Variants in SOCS6 observed in about 807,000 individuals in gnomAD.
SOCS6 encodes the protein suppressor of cytokine signaling 6.
A neutral mutation model predicts 27.7 loss-of-function variants in SOCS6; 5 were observed. That is an observed-to-expected ratio of 0.18 (90% CI 0.09 to 0.38). SOCS6 has a LOEUF of 0.38. Ranked by LOEUF, SOCS6 falls within the 10% of genes least tolerant of loss-of-function variation. The probability of loss-of-function intolerance (pLI) is 1.00; values close to 1 mark genes in which losing one functional copy is unlikely to be tolerated. For synonymous variants in SOCS6, 271 were observed against 260.0 expected, an observed-to-expected ratio of 1.04 and a Z score of -0.41; for missense variants, 595 against 688.1, an observed-to-expected ratio of 0.86 and a Z score of 1.51.
intron 1 of SOCS6, among the ~76,000 whole-genome samples, chr18:70,321,107 T>C (rs1032156747): frequency 7.2e-5 from 11 of 151,850 alleles, no homozygotes; most frequent in African/African-American, 2.7e-4. Context: ...ACCTCATCTC[T>C]ACAAAAAGTA....
At position 70,325,310 on chromosome 18, in the gene SOCS6, A is replaced by T. The variant is rs551620732; in HGVS notation, c.642A>T (p.Gly214=). ...HLDEHVPVVI[G]LMPQDYIQYT... is the part of the protein sequence containing the mutation. ...ATGAACATGTGCCTGTCGTTATTGG[A>T]CTTATGCCTCAGGACTACATTCAGT... Residue 214 remains glycine (G), a synonymous_variant, in exon 2 of 2, where the codon GGA becomes GGT. Transcript: ENST00000397942. The surrounding 1 kb of genome is among the most constrained non-coding windows in gnomAD (Gnocchi z 6.3). 2.5e-6 allele frequency: 4 copies of T among 1,614,112 alleles called. No homozygotes were observed. Among genetic ancestry groups the T allele is most frequent in the African/African-American group, 2.7e-5 (2 of 75,006 alleles).
intron 1 of SOCS6, among the ~76,000 whole-genome samples, chr18:70,302,771 TAA>T (rs5826006): frequency 6.6e-5 from 10 of 150,594 alleles, no homozygotes; most frequent in African/African-American, 1.2e-4. Flanking sequence ...TACACCAGTA[TAA>T]AAAAAAAATT....
At chr18:70,297,105 G>C (rs963184355) in intron 1 of SOCS6, among the ~76,000 whole-genome samples, 30 of 151,706 alleles carry the variant, frequency 2.0e-4, no homozygotes, top group African/African-American at 7.0e-4. Context: ...TTTTCTAACT[G>C]TTCTCCTCAC....
chr18:70,310,467 GGTT>G lies in SOCS6; in HGVS notation c.-126-14075_-126-14073del, dbSNP rs2062386264. On this transcript the variant is annotated intron_variant, in intron 1 of 1. Coordinates refer to ENST00000397942, the MANE Select transcript of SOCS6 (RefSeq NM_004232.4). Reference sequence around the variant, plus strand: ...TGGCTAATTTTCTAATTTTTTGTGGGGTTTTTTTTTTTTTTTTTTTTGCAGAGA... The same window carrying G: ...TGGCTAATTTTCTAATTTTTTGTGGGTTTTTTTTTTTTTTTTTTGCAGAGA... Among the ~76,000 whole-genome samples, 2 of 139,532 alleles carry G rather than the reference GGTT, an allele frequency of 1.4e-5. 1 individual carries two copies. The highest frequency in any genetic ancestry group is 5.5e-5 in the African/African-American group (2 of 36,240). 91.5% of individuals were successfully genotyped at this position (139,532 alleles called of 152,430 possible). A position where few individuals can be genotyped will look rare whatever the true frequency, so the allele number is the denominator to read the frequency against.
chr18:70,326,013 G>A lies in SOCS6; in HGVS notation c.1345G>A (p.Glu449Lys), dbSNP rs763526579. The A allele has an allele frequency of 6.2e-7, 1 of 1,614,238 alleles. No homozygotes were observed. The highest frequency in any genetic ancestry group is 8.5e-7 in the Non-Finnish European group (1 of 1,180,024). The change falls in exon 2 of 2, where the codon GAA becomes AAA. Residue 449 changes from glutamate to lysine, a missense_variant. Transcript: ENST00000397942. ...RFSFYEQPDV[E>K]GHTSIVDLIE... ...TAGCTTTTATGAACAGCCAGATGTGGAAGGACATACGTCCATAGTTGATCT... is the reference window on the plus strand; with the variant it reads ...TAGCTTTTATGAACAGCCAGATGTGAAAGGACATACGTCCATAGTTGATCT...
intron 1 of SOCS6, among the ~76,000 whole-genome samples, chr18:70,309,829 A>G (rs1423854928): frequency 1.3e-5 from 2 of 152,140 alleles, no homozygotes; most frequent in Non-Finnish European, 2.9e-5. Flanking sequence ...GATTACAGGC[A>G]TGTGCCACCT....
At chr18:70,323,380 CTT>C (rs1911059617) in intron 1 of SOCS6, among the ~76,000 whole-genome samples, 1 of 152,010 alleles carries the variant, frequency 6.6e-6, no homozygotes, top group Non-Finnish European at 1.5e-5. Flanking sequence ...TTCAGAAAGT[CTT>C]TACAGAATTG....
rs536350157 is a variant in SOCS6, at chr18:70,314,663, C to G, written c.-126-9880C>G. 4.6e-5 allele frequency among the ~76,000 whole-genome samples: 7 copies of G among 152,296 alleles called. No homozygotes were observed. In the South Asian group the frequency reaches 1.5e-3, roughly 32 times the overall value. On this transcript the variant is annotated intron_variant, in intron 1 of 1. Coordinates refer to ENST00000397942, the MANE Select transcript of SOCS6 (RefSeq NM_004232.4). The stretch of plus-strand genomic sequence containing the variant: ...CTAACGACATATTTCTCAGAACATA[C>G]CTGTTGTTCAGCTGCATCTATTGAA...
intron 1 of SOCS6, among the ~76,000 whole-genome samples, chr18:70,321,300 C>A (rs141506136): frequency 7.7e-5 from 10 of 130,542 alleles, no homozygotes; most frequent in Admixed American, 7.5e-4. Context: ...AAATAAATAA[C>A]AAATTTTCTC....
At chr18:70,317,462 A>G (rs1290313052) in intron 1 of SOCS6, among the ~76,000 whole-genome samples, 1 of 138,560 alleles carries the variant, frequency 7.2e-6, no homozygotes, top group East Asian at 1.9e-4. Context: ...ATATATAGAT[A>G]CATATATACA....
chr18:70,321,560 C>T (rs537004841), intron 1 of SOCS6, among the ~76,000 whole-genome samples: 1 of 149,634 alleles, frequency 6.7e-6, no homozygotes, highest in Non-Finnish European at 1.5e-5. Flanking sequence ...TCTCCAACTC[C>T]TGACCTCAGG....
chr18:70,317,184 G>C (rs1229011320), intron 1 of SOCS6, among the ~76,000 whole-genome samples: 1 of 152,156 alleles, frequency 6.6e-6, no homozygotes, highest in Non-Finnish European at 1.5e-5. Context: ...CGAGTGTGTA[G>C]TCTTTTATCC....
rs1003591895 is a variant in SOCS6, at chr18:70,327,808, A to T, written c.*1532A>T. The T allele has an allele frequency of 1.8e-5, 3 of 166,786 alleles. No individual in the cohort carries two copies. The highest frequency in any genetic ancestry group is 7.2e-5 in the African/African-American group (3 of 41,446). The allele number at this position is 166,786 out of a possible 1,614,324, so 10.3% of individuals were successfully genotyped here. The stretch of plus-strand genomic sequence containing the variant: ...TTCTTCCTTTGTCACTTAAAGGAAG[A>T]GATAGGAAAAGTCTCTTACCCACTT... On this transcript the variant is annotated 3_prime_UTR_variant, in exon 2 of 2. Transcript: ENST00000397942.
At position 70,324,750 on chromosome 18, in the gene SOCS6, C is replaced by A. The variant is rs1392837497; in HGVS notation, c.82C>A (p.Gln28Lys). Reference sequence around the variant, plus strand: ...AGAAGAAACTGATTTCATGGTAGTACAACAACCATCGCTAGCCAGTGACTT... The same window carrying A: ...AGAAGAAACTGATTTCATGGTAGTAAAACAACCATCGCTAGCCAGTGACTT... ...SKEETDFMVVQQPSLASDFGK... is the reference protein window; with the variant it reads ...SKEETDFMVVKQPSLASDFGK... Residue 28 changes from glutamine to lysine, a missense_variant, in exon 2 of 2, where the codon CAA (glutamine) becomes AAA (lysine). Transcript: ENST00000397942. 3.7e-6 allele frequency: 6 copies of A among 1,610,806 alleles called. No homozygotes were observed. The highest frequency in any genetic ancestry group is 1.1e-5 in the South Asian group (1 of 91,014).
At chr18:70,312,367 T>C (rs2062394193) in intron 1 of SOCS6, among the ~76,000 whole-genome samples, 1 of 152,234 alleles carries the variant, frequency 6.6e-6, no homozygotes, top group Non-Finnish European at 1.5e-5. Flanking sequence ...GTTGTCCATA[T>C]GTCTTTGTTT....
rs2062298048 is a variant in SOCS6, at chr18:70,291,253, T to C, written c.-127+2163T>C. Among the ~76,000 whole-genome samples, 3 of 152,134 alleles carry C rather than the reference T, an allele frequency of 2.0e-5. No individual in the cohort carries two copies. The South Asian group carries it at 6.2e-4, about 32-fold the overall frequency. On this transcript the variant is annotated intron_variant, in intron 1 of 1. Transcript: ENST00000397942. Reference sequence around the variant, plus strand: ...TCCTGAGTAGCTTGGACCACAGACATGTGCCACCACACCTGGCTGATTGTT... The same window carrying C: ...TCCTGAGTAGCTTGGACCACAGACACGTGCCACCACACCTGGCTGATTGTT...
In SOCS6 at chr18:70,326,621, A is replaced by G. The variant is rs931336341; in HGVS notation, c.*345A>G. 1.2e-5 allele frequency: 3 copies of G among 240,178 alleles called. No individual in the cohort carries two copies. Among genetic ancestry groups the G allele is most frequent in the Non-Finnish European group, 2.6e-5 (3 of 114,002 alleles). The allele number at this position is 240,178 out of a possible 1,614,324, so 14.9% of individuals were successfully genotyped here. A position where few individuals can be genotyped will look rare whatever the true frequency, so the allele number is the denominator to read the frequency against. On this transcript the variant is annotated 3_prime_UTR_variant, in exon 2 of 2. Transcript: ENST00000397942. The stretch of plus-strand genomic sequence containing the variant: ...TTTTTATGCATTAAAAGCACATTTC[A>G]TGTGTATTCAACCCTAAGTAAAGTT...
chr18:70,293,987 A>C (rs1242961987), intron 1 of SOCS6, among the ~76,000 whole-genome samples: 1 of 151,730 alleles, frequency 6.6e-6, no homozygotes, highest in Non-Finnish European at 1.5e-5. Context: ...GCTACTCGGG[A>C]GGCTGAGACA....
intron 1 of SOCS6, among the ~76,000 whole-genome samples, chr18:70,319,123 T>G (rs1014854442): frequency 3.3e-5 from 5 of 152,180 alleles, no homozygotes; most frequent in Admixed American, 6.6e-5. Context: ...GTCTGTTCTA[T>G]TCTTTCTTTT....
Sources: allele counts gnomAD v4.1 joint callset (sites outside exome capture counted in the v4.1 genomes callset), GRCh38; gene constraint gnomAD v4.1.1; non-coding constraint Gnocchi (gnomAD v3.1); transcripts MANE v1.5; gene names NCBI Gene and HGNC (gene_info 2026-07-23, HGNC 2026-07-21).